MATR3: variants seen among roughly 807,000 people sequenced by gnomAD.
The protein encoded by MATR3 is matrin-3.
MATR3 carries 4 observed loss-of-function variants against 85.5 expected under a neutral mutation model. That is an observed-to-expected ratio of 0.05 (90% CI 0.02 to 0.11). The LOEUF is 0.11. MATR3 is among the 10% of genes least tolerant of loss of function. The probability of loss-of-function intolerance (pLI) is 1.00; values close to 1 mark genes in which losing one functional copy is unlikely to be tolerated. For missense variants in MATR3, 685 were observed against 1,016.1 expected, an observed-to-expected ratio of 0.67 and a Z score of 4.43; for synonymous variants, 336 against 343.1, an observed-to-expected ratio of 0.98 and a Z score of 0.23.
chr5:139,328,801 A>C (rs1291599560), intron 14 of MATR3, among the ~76,000 whole-genome samples: 3 of 152,188 alleles, frequency 2.0e-5, no homozygotes, highest in Non-Finnish European at 4.4e-5. Flanking sequence ...CAGGAGTTTG[A>C]GACCAGCCTG....
At chr5:139,294,455 C>G (rs12055090) in intron 1 of MATR3, 1 of 157,498 alleles carries the variant, frequency 6.3e-6, no homozygotes, top group East Asian at 1.8e-4. Flanking sequence ...AGAGCGCCCC[C>G]TAAGACTCCC....
intron 14 of MATR3, among the ~76,000 whole-genome samples, chr5:139,328,757 T>G (rs1755981908): frequency 1.3e-5 from 2 of 152,144 alleles, no homozygotes; most frequent in Non-Finnish European, 2.9e-5. Flanking sequence ...ATCCCAGCAC[T>G]TTGGGAGGCG....
chr5:139,274,409 C>T (rs1753188896), intron 1 of MATR3: 1 of 249,076 alleles, frequency 4.0e-6, no homozygotes, highest in African/African-American at 2.2e-5. Context: ...CTCCCAGGGC[C>T]AGAGGCAGGG....
chr5:139,291,050 G>A (rs781165366), upstream of MATR3, among the ~76,000 whole-genome samples: 2 of 152,096 alleles, frequency 1.3e-5, no homozygotes, highest in Admixed American at 6.5e-5. Context: ...AACCCGGGAC[G>A]CAGAGGTTGC....
At chr5:139,289,009 C>T (rs1270740506), upstream of MATR3, among the ~76,000 whole-genome samples, 1 of 151,534 alleles carries the variant, frequency 6.6e-6, no homozygotes, top group Admixed American at 6.6e-5. Context: ...GTCTTGAACT[C>T]CTGACCTTGT....
intron 2 of MATR3, chr5:139,276,397 A>G: frequency 2.9e-6 from 1 of 346,514 alleles, no homozygotes; most frequent in Non-Finnish European, 5.7e-6. Flanking sequence ...GTCTTGGGCC[A>G]TACATAAAAT....
At chr5:139,316,943 A>AT in intron 5 of MATR3, 110 bp from the exon 6 acceptor site, 1 of 822,036 alleles carries the variant, frequency 1.2e-6, no homozygotes, top group Non-Finnish European at 2.1e-6. Flanking sequence ...GTAATCATAT[A>AT]TTTGTAAGAG....
chr5:139,292,767 C>T (rs1292284034), upstream of MATR3, among the ~76,000 whole-genome samples: 1 of 152,162 alleles, frequency 6.6e-6, no homozygotes, highest in African/African-American at 2.4e-5. Context: ...GTGAAACCCC[C>T]GCCTCTATTA....
intron 1 of MATR3, among the ~76,000 whole-genome samples, chr5:139,296,588 T>C (rs543175182): frequency 1.3e-5 from 2 of 152,204 alleles, no homozygotes; most frequent in African/African-American, 2.4e-5. Context: ...ATAGACAAAC[T>C]AGCTGCTTCA....
At chr5:139,288,476 G>T (rs1335474343) in intron 3 of MATR3, among the ~76,000 whole-genome samples, 1 of 152,186 alleles carries the variant, frequency 6.6e-6, no homozygotes, top group Non-Finnish European at 1.5e-5. Flanking sequence ...AGGACCAGAG[G>T]CTGTTGTTTC....
At chr5:139,292,118 A>T (rs1471505007), upstream of MATR3, 1 of 151,476 alleles carries the variant, frequency 6.6e-6, no homozygotes, top group East Asian at 2.0e-4. Flanking sequence ...CGCCCAGCTA[A>T]CTTTGTGTTA....
chr5:139,278,285 T>G (rs1298369138), intron 2 of MATR3: 1 of 453,652 alleles, frequency 2.2e-6, no homozygotes, highest in African/African-American at 2.0e-5. Context: ...TTTATTATAT[T>G]CTGTGTACTA....
intron 2 of MATR3, 55 bp downstream of exon 2, chr5:139,308,382 C>T (rs1754813297): frequency 1.9e-6 from 3 of 1,599,500 alleles, no homozygotes; most frequent in South Asian, 1.1e-5. Context: ...TGCCTATTTA[C>T]CTATATCTTT....
chr5:139,325,138 A>G (rs1219303210), intron 12 of MATR3, among the ~76,000 whole-genome samples: 1 of 151,966 alleles, frequency 6.6e-6, no homozygotes, highest in Non-Finnish European at 1.5e-5. Flanking sequence ...GGTTGCAGTG[A>G]GCCGAGATCG....
Position 139,319,349 on chromosome 5 carries a change from C to T in MATR3, c.1450C>T (p.Pro484Ser), listed in dbSNP as rs775808771. Residue 484 changes from proline to serine, a missense_variant, in exon 9 of 15, where the codon CCA becomes TCA. Around this residue, in one of 9 missense-constraint regions of MATR3, gnomAD observed 30 missense variants for 23.9 expected, o/e 1.25. Coordinates refer to ENST00000394805, the MANE Select transcript of MATR3 (RefSeq NM_018834.6). ...TTTATTAAAGAAACCTGAAGGAAAG[C>T]CAGATCAGAAGTTTGATCAAAAGCA... is the stretch of plus-strand genomic sequence containing the variant. ...YKRIKKPEGK[P>S]DQKFDQKQEL... 3 of 1,614,032 alleles carry T rather than the reference C, an allele frequency of 1.9e-6. No homozygotes were observed. Among genetic ancestry groups the T allele is most frequent in the African/African-American group, 1.3e-5 (1 of 75,034 alleles).
At chr5:139,317,418 C>T (rs1198960816) in intron 6 of MATR3, among the ~76,000 whole-genome samples, 178 bp from the exon 7 acceptor site, 2 of 152,158 alleles carry the variant, frequency 1.3e-5, no homozygotes, top group Non-Finnish European at 2.9e-5. Flanking sequence ...TGGTTATGGT[C>T]AGAAAGAACT....
At position 139,322,793 on chromosome 5, in the gene MATR3, A is replaced by G. The variant is rs1755643711; in HGVS notation, c.1974A>G (p.Leu658=). ...TGCTTCTTGAATCTGAAGATGAGCTACTTGTAGATGAAGAAGAAGCAGCAG... is the reference window on the plus strand; with the variant it reads ...TGCTTCTTGAATCTGAAGATGAGCTGCTTGTAGATGAAGAAGAAGCAGCAG... The part of the protein sequence containing the change: ...PNMLLESEDE[L]LVDEEEAAAL... Residue 658 remains leucine (L), a synonymous_variant, in exon 12 of 15, where the codon CTA becomes CTG. Transcript: ENST00000394805. 1.9e-6 allele frequency: 3 copies of G among 1,614,088 alleles called. No individual in the cohort carries two copies. The highest frequency in any genetic ancestry group is 8.5e-7 in the Non-Finnish European group (1 of 1,180,042).
chr5:139,323,722 C>G (rs895554811), intron 12 of MATR3, among the ~76,000 whole-genome samples: 14 of 152,182 alleles, frequency 9.2e-5, no homozygotes, highest in African/African-American at 3.4e-4. Flanking sequence ...GGTGAAACCC[C>G]GTCTCTACTA....
chr5:139,315,582 A>G, intron 3 of MATR3, 115 bp from the exon 4 acceptor site: 1 of 731,432 alleles, frequency 1.4e-6, no homozygotes, highest in Admixed American at 2.1e-5. Flanking sequence ...TGTTTCTAAC[A>G]CTTAGACTCT....
Sources: allele counts gnomAD v4.1 joint callset (sites outside exome capture counted in the v4.1 genomes callset), GRCh38; gene constraint gnomAD v4.1.1; regional missense constraint gnomAD v4.1.1; transcripts MANE v1.5; gene names NCBI Gene and HGNC (gene_info 2026-07-23, HGNC 2026-07-21).